PITPNB: variants seen among roughly 807,000 people sequenced by gnomAD.
PITPNB encodes phosphatidylinositol transfer protein beta isoform.
PITPNB carries 16 observed loss-of-function variants against 45.9 expected under a neutral mutation model. The observed-to-expected ratio is 0.35, with a 90% confidence interval of 0.24 to 0.53. The LOEUF (loss-of-function observed/expected upper bound fraction) is 0.53, where lower values mean the gene tolerates loss of function less well. PITPNB is among the 20% of genes least tolerant of loss of function. PITPNB has a pLI of 0.93. For missense variants in PITPNB, 188 were observed against 330.5 expected, an observed-to-expected ratio of 0.57 and a Z score of 3.34; for synonymous variants, 112 against 108.9, an observed-to-expected ratio of 1.03 and a Z score of -0.18.
At chr22:27,877,596 T>C (rs945657199) in intron 7 of PITPNB, among the ~76,000 whole-genome samples, 5 of 152,228 alleles carry the variant, frequency 3.3e-5, no homozygotes, top group African/African-American at 1.2e-4. Context: ...AAACTCTCAA[T>C]AGAAACCGGA....
intron 7 of PITPNB, among the ~76,000 whole-genome samples, chr22:27,876,332 A>G (rs973237622): frequency 3.9e-5 from 6 of 152,208 alleles, no homozygotes; most frequent in African/African-American, 1.4e-4. Flanking sequence ...ACACATATAC[A>G]TATGTATGTA....
intron 10 of PITPNB, among the ~76,000 whole-genome samples, chr22:27,855,275 G>C (rs1045338535): frequency 6.6e-6 from 1 of 152,190 alleles, no homozygotes; most frequent in Non-Finnish European, 1.5e-5. Flanking sequence ...TATTTGCATA[G>C]TCCCTAGGCC....
At chr22:27,882,283 T>A (rs940227997) in intron 7 of PITPNB, among the ~76,000 whole-genome samples, 1 of 152,102 alleles carries the variant, frequency 6.6e-6, no homozygotes, top group Non-Finnish European at 1.5e-5. Flanking sequence ...AATTAAGAAG[T>A]GTCAGATTGC....
At chr22:27,869,433 T>C (rs750941573) in intron 8 of PITPNB, among the ~76,000 whole-genome samples, 2 of 152,218 alleles carry the variant, frequency 1.3e-5, no homozygotes, top group African/African-American at 2.4e-5. Flanking sequence ...ATATATTCCT[T>C]AGCAACCTCA....
At chr22:27,868,588 C>T (rs1934552612) in intron 8 of PITPNB, among the ~76,000 whole-genome samples, 1 of 152,132 alleles carries the variant, frequency 6.6e-6, no homozygotes. Context: ...GACTGAGCAG[C>T]TAAACAGTAT....
At chr22:27,897,015 C>G (rs1055746889) in intron 5 of PITPNB, 115 bp downstream of exon 5, 14 of 795,836 alleles carry the variant, frequency 1.8e-5, no homozygotes, top group Middle Eastern at 2.3e-4. Context: ...TGGTGGGACA[C>G]AGGAAGGAAC....
At chr22:27,859,029 T>C (rs1014563483) in intron 9 of PITPNB, among the ~76,000 whole-genome samples, 1 of 152,222 alleles carries the variant, frequency 6.6e-6, no homozygotes, top group Non-Finnish European at 1.5e-5. Context: ...ATTATAAATA[T>C]ATTTAAAAAC....
intron 7 of PITPNB, among the ~76,000 whole-genome samples, chr22:27,879,675 T>C (rs143394580): frequency 6.6e-6 from 1 of 152,346 alleles, no homozygotes; most frequent in East Asian, 1.9e-4. Context: ...TTGTTAAACA[T>C]TACATATTTT....
intron 8 of PITPNB, 127 bp downstream of exon 8, chr22:27,873,611 C>T (rs897658671): frequency 4.1e-5 from 26 of 640,676 alleles, no homozygotes; most frequent in Non-Finnish European, 7.1e-5. Context: ...AAGTCCTTAT[C>T]GCAAATAAAA....
chr22:27,900,910 A>G (rs1935573286), intron 3 of PITPNB, among the ~76,000 whole-genome samples: 1 of 152,240 alleles, frequency 6.6e-6, no homozygotes, highest in South Asian at 2.1e-4. Context: ...CTTTAGTAAA[A>G]TGTAGCAGAT....
intron 8 of PITPNB, among the ~76,000 whole-genome samples, chr22:27,865,283 G>C (rs936949402): frequency 6.6e-6 from 1 of 152,134 alleles, no homozygotes; most frequent in Non-Finnish European, 1.5e-5. Context: ...ACTATTTCAA[G>C]TCTTCATTCT....
rs1298206716 is a variant in PITPNB, at chr22:27,885,228, A to T, written c.456+9327T>A. Among the ~76,000 whole-genome samples the T allele has an allele frequency of 2.5e-3, 245 of 99,014 alleles. 5 individuals carry two copies. Among genetic ancestry groups the T allele is most frequent in the African/African-American group, 8.9e-3 (234 of 26,368 alleles). 65.0% of individuals were successfully genotyped at this position (99,014 alleles called of 152,430 possible). ...ATTTATACCTAAAAAAAAAAAAAAA[A>T]AAAAAAAAAAAAAAAAAAAAAAAAG... On this transcript the variant is annotated intron_variant, in intron 7 of 11. Coordinates refer to ENST00000335272, the MANE Select transcript of PITPNB (RefSeq NM_012399.5).
intron 3 of PITPNB, 133 bp from the exon 4 acceptor site, chr22:27,898,025 C>T: frequency 3.1e-6 from 2 of 648,548 alleles, no homozygotes; most frequent in South Asian, 1.8e-5. Context: ...TTATTTCAAT[C>T]CTAAAGTAAT....
At chr22:27,909,447 CA>C (rs1474965455) in intron 3 of PITPNB, among the ~76,000 whole-genome samples, 2 of 151,848 alleles carry the variant, frequency 1.3e-5, no homozygotes, top group African/African-American at 4.8e-5. Context: ...AAAACTTCAA[CA>C]AACCAAAGAG....
chr22:27,911,932 A>G (rs1447637328), intron 2 of PITPNB, among the ~76,000 whole-genome samples: 1 of 152,170 alleles, frequency 6.6e-6, no homozygotes, highest in Non-Finnish European at 1.5e-5. Flanking sequence ...TTCTACGCCA[A>G]TCTGGAGTCG....
chr22:27,919,223 TACC>T lies in PITPNB; in HGVS notation c.-35_-33del, dbSNP rs756625493. 1.9e-6 allele frequency: 3 copies of T among 1,589,780 alleles called. No homozygotes were observed. In the East Asian group the frequency reaches 6.7e-5, roughly 36 times the overall value. On this transcript the variant is annotated 5_prime_UTR_variant, in exon 1 of 12. Coordinates refer to ENST00000335272, the MANE Select transcript of PITPNB (RefSeq NM_012399.5). Reference sequence around the variant, plus strand: ...GGAACCCCCTCACAGCTGCCGCCGATACCACCGCCGCCGCCGCCGCTACCGCCT... The same window carrying T: ...GGAACCCCCTCACAGCTGCCGCCGATACCGCCGCCGCCGCCGCTACCGCCT...
chr22:27,868,055 G>T (rs1438594908), intron 8 of PITPNB, among the ~76,000 whole-genome samples: 4 of 152,124 alleles, frequency 2.6e-5, no homozygotes, highest in African/African-American at 9.7e-5. Flanking sequence ...AATCCAAAAT[G>T]TGGTCTAACC....
intron 8 of PITPNB, among the ~76,000 whole-genome samples, chr22:27,861,016 C>T (rs1463996534): frequency 1.5e-5 from 2 of 129,186 alleles, no homozygotes; most frequent in East Asian, 2.6e-4. Flanking sequence ...AGCAAGACCC[C>T]ATTTCTGGAA....
intron 3 of PITPNB, among the ~76,000 whole-genome samples, chr22:27,901,224 T>A (rs1183661922): frequency 6.6e-6 from 1 of 152,238 alleles, no homozygotes; most frequent in Non-Finnish European, 1.5e-5. Flanking sequence ...CCACTCTGAA[T>A]AGTACTTTAA....
Sources: allele counts gnomAD v4.1 joint callset (sites outside exome capture counted in the v4.1 genomes callset), GRCh38; gene constraint gnomAD v4.1.1; transcripts MANE v1.5; gene names NCBI Gene and HGNC (gene_info 2026-07-23, HGNC 2026-07-21).